The following WDR27 variants were observed in gnomAD, a reference collection of about 807,000 sequenced individuals.
The protein encoded by WDR27 is WD repeat-containing protein 27.
In WDR27, 100 loss-of-function variants were observed where a neutral mutation model predicts 114.4. The observed-to-expected ratio is 0.87, with a 90% CI of 0.74 to 1.03. The LOEUF (loss-of-function observed/expected upper bound fraction) is 1.03, where lower values mean the gene tolerates loss of function less well. Among genes scored for constraint, WDR27 ranks in the 50% least tolerant of loss-of-function variants. WDR27 has a pLI of 0.00. For missense variants in WDR27, 1,129 were observed against 1,092.9 expected (o/e 1.03, Z -0.47); for synonymous variants, 449 against 423.1 (o/e 1.06, Z -0.75).
Position 169,647,767 on chromosome 6 carries a change from G to A in WDR27, c.1657+6C>T. 1 of 1,570,744 alleles carries A rather than the reference G, an allele frequency of 6.4e-7. No individual in the cohort carries two copies. Among genetic ancestry groups the A allele is most frequent in the Non-Finnish European group, 8.6e-7 (1 of 1,157,696 alleles). ...TGCTACCCAGCTCCCGCAGGACGTG[G>A]CGCACCTGAGTACTGGATGCAGCAT... On this transcript the variant is annotated splice_donor_region_variant and intron_variant, in intron 16 of 25. Coordinates refer to ENST00000448612, the MANE Select transcript of WDR27 (RefSeq NM_182552.5).
intron 6 of WDR27, chr6:169,666,635 G>A (rs1827898389): frequency 1.0e-6 from 1 of 985,746 alleles, no homozygotes. Context: ...GTAGCTGTGT[G>A]GCCGTGTGCC....
chr6:169,614,330 C>T (rs376286404), intron 21 of WDR27, among the ~76,000 whole-genome samples: 3 of 152,170 alleles, frequency 2.0e-5, no homozygotes, highest in Non-Finnish European at 2.9e-5. Context: ...GATGTGCCTA[C>T]AAGTCATCCT....
chr6:169,652,343 T>C (rs927287325), intron 13 of WDR27, among the ~76,000 whole-genome samples: 37 of 152,290 alleles, frequency 2.4e-4, no homozygotes, highest in Middle Eastern at 3.4e-3. Flanking sequence ...CCACCTCCCA[T>C]GTTCAAGTAA....
intron 21 of WDR27, among the ~76,000 whole-genome samples, chr6:169,629,841 C>T (rs1815859496): frequency 6.7e-6 from 1 of 149,742 alleles, no homozygotes; most frequent in South Asian, 2.1e-4. Context: ...GCAGGAGTAT[C>T]GCTTGAACCC....
rs115274932 is a variant in WDR27 at position 169,534,922 on chromosome 6, C to A, written c.2645+37497G>T. ...AAGAACATGTTAGTATGAAAAATAC[C>A]TATGGATATCTATTAAATTCTTCTG... On this transcript the variant is annotated intron_variant, in intron 25 of 25. Transcript: ENST00000448612. Among the ~76,000 whole-genome samples the A allele has an allele frequency of 4.5e-3, 686 of 151,134 alleles. 6 individuals carry two copies. Among genetic ancestry groups the A allele is most frequent in the African/African-American group, 0.016 (654 of 41,248 alleles).
rs1448858281 is a variant in WDR27 at position 169,685,474 on chromosome 6, G to A, written c.189+3343C>T. 1.6e-4 allele frequency among the ~76,000 whole-genome samples: 25 copies of A among 152,070 alleles called. 1 individual carries two copies. The highest frequency in any genetic ancestry group is 1.6e-3 in the Admixed American group (24 of 15,278). Reference sequence around the variant, plus strand: ...AAATCAGGAAAACAACTCATGATATGAATGAGAAATTCAACAAAGAAATAG... The same window carrying A: ...AAATCAGGAAAACAACTCATGATATAAATGAGAAATTCAACAAAGAAATAG... On this transcript the variant is annotated intron_variant, in intron 2 of 25. Coordinates refer to ENST00000448612, the MANE Select transcript of WDR27 (RefSeq NM_182552.5).
chr6:169,646,677 G>C (rs938786970), intron 16 of WDR27, among the ~76,000 whole-genome samples: 1 of 151,806 alleles, frequency 6.6e-6, no homozygotes, highest in Admixed American at 6.6e-5. Flanking sequence ...GAACCCAGGA[G>C]GCGGAGATTG....
intron 22 of WDR27, among the ~76,000 whole-genome samples, chr6:169,612,736 C>T (rs1286853624): frequency 2.0e-5 from 3 of 150,462 alleles, no homozygotes; most frequent in African/African-American, 7.3e-5. Flanking sequence ...AGAAGGAATG[C>T]ACTCTAAAAT....
chr6:169,641,048 G>A (rs1456416711), intron 17 of WDR27, among the ~76,000 whole-genome samples: 1 of 152,214 alleles, frequency 6.6e-6, no homozygotes, highest in Non-Finnish European at 1.5e-5. Flanking sequence ...TGCACGTCCA[G>A]TGGCCACTAA....
intron 17 of WDR27, among the ~76,000 whole-genome samples, chr6:169,640,391 A>ACGCAGAGCTGAAATT (rs1195906001): frequency 1.3e-5 from 2 of 152,258 alleles, no homozygotes; most frequent in Admixed American, 6.5e-5. Flanking sequence ...ACGCCAGGAA[A>ACGCAGAGCTGAAATT]CGCAGAGCTG....
intron 25 of WDR27, among the ~76,000 whole-genome samples, chr6:169,512,152 C>A: frequency 6.6e-6 from 1 of 152,152 alleles, no homozygotes; most frequent in South Asian, 2.1e-4. Flanking sequence ...TTTTAGATTG[C>A]CCTACAAATT....
chr6:169,523,853 T>C (rs1794667769), intron 25 of WDR27, among the ~76,000 whole-genome samples: 1 of 152,060 alleles, frequency 6.6e-6, no homozygotes, highest in East Asian at 1.9e-4. Context: ...TAAGTAAAAA[T>C]TGAAACCCTT....
chr6:169,480,081 G>A (rs1355876943), intron 25 of WDR27, among the ~76,000 whole-genome samples: 1 of 152,168 alleles, frequency 6.6e-6, no homozygotes, highest in Non-Finnish European at 1.5e-5. Context: ...GCGCTCGCGG[G>A]CCAGCGTGAG....
At chr6:169,463,061 A>C (rs547088125) in intron 25 of WDR27, among the ~76,000 whole-genome samples, 1 of 152,190 alleles carries the variant, frequency 6.6e-6, no homozygotes, top group African/African-American at 2.4e-5. Flanking sequence ...CCAACAACAA[A>C]AAAAGTATGT....
chr6:169,556,595 G>A (rs1042752989), intron 25 of WDR27, among the ~76,000 whole-genome samples: 1 of 152,114 alleles, frequency 6.6e-6, no homozygotes, highest in Non-Finnish European at 1.5e-5. Flanking sequence ...AAAGCATTAA[G>A]CAAATCTAAT....
rs961802335 is a variant in WDR27, at chr6:169,489,681, G to A, written c.2646-32047C>T. Among the ~76,000 whole-genome samples, 49 of 152,156 alleles carry A rather than the reference G, an allele frequency of 3.2e-4. 1 individual carries two copies. The highest frequency in any genetic ancestry group is 1.1e-3 in the African/African-American group (45 of 41,434). Reference sequence around the variant, plus strand: ...AATGACTGGCTATTGGTCAGATCCCGCTCCAGATCAATTCACTCAGCGTTT... The same window carrying A: ...AATGACTGGCTATTGGTCAGATCCCACTCCAGATCAATTCACTCAGCGTTT... On this transcript the variant is annotated intron_variant, in intron 25 of 25. Coordinates refer to ENST00000448612, the MANE Select transcript of WDR27 (RefSeq NM_182552.5).
the WDR27 span, among the ~76,000 whole-genome samples, chr6:169,434,768 G>A: frequency 1.8e-4 from 27 of 152,162 alleles, no homozygotes; most frequent in Admixed American, 1.3e-4. Flanking sequence ...GAGCATAAAA[G>A]TTCAAAAAAT....
intron 15 of WDR27, 126 bp downstream of exon 15, chr6:169,649,072 G>A (rs1436042357): frequency 2.8e-6 from 2 of 723,896 alleles, no homozygotes; most frequent in Middle Eastern, 2.5e-4. Context: ...ACATATCTGT[G>A]TACATATGTG....
Position 169,491,241 on chromosome 6 carries a change from C to T in WDR27, c.2646-33607G>A, listed in dbSNP as rs147139609. ...TATGGCTATTTCCTTAAAGATAATG[C>T]ATCAAATTTCTCTCTAGGTTTTATT... On this transcript the variant is annotated intron_variant, in intron 25 of 25. Coordinates refer to ENST00000448612, the MANE Select transcript of WDR27 (RefSeq NM_182552.5). Among the ~76,000 whole-genome samples, 375 of 152,172 alleles carry T rather than the reference C, an allele frequency of 2.5e-3. 1 individual carries two copies. Among genetic ancestry groups the T allele is most frequent in the African/African-American group, 8.7e-3 (360 of 41,504 alleles).
Sources: allele counts gnomAD v4.1 joint callset (sites outside exome capture counted in the v4.1 genomes callset), GRCh38; gene constraint gnomAD v4.1.1; transcripts MANE v1.5; gene names NCBI Gene and HGNC (gene_info 2026-07-23, HGNC 2026-07-21).